ACSL5: variants seen among roughly 807,000 people sequenced by gnomAD.
ACSL5 encodes long-chain-fatty-acid--CoA ligase 5.
A neutral mutation model predicts 84.9 loss-of-function variants in ACSL5; 50 were observed. The observed-to-expected ratio is 0.59, with a 90% CI of 0.47 to 0.75. The LOEUF (loss-of-function observed/expected upper bound fraction) is 0.75. Ranked by LOEUF, ACSL5 falls within the 30% of genes least tolerant of loss-of-function variation. The pLI is 0.00. For missense variants in ACSL5, 775 were observed against 830.4 expected (o/e 0.93, Z 0.82); for synonymous variants, 280 against 300.7 (o/e 0.93, Z 0.71).
At chr10:112,403,247 A>G (rs1409206823) in intron 3 of ACSL5, among the ~76,000 whole-genome samples, 1 of 152,252 alleles carries the variant, frequency 6.6e-6, no homozygotes, top group Non-Finnish European at 1.5e-5. Flanking sequence ...AACTTAGACT[A>G]TAGTAATAAC....
intron 8 of ACSL5, 38 bp from the exon 9 acceptor site, chr10:112,410,546 G>C: frequency 6.2e-7 from 1 of 1,614,126 alleles, no homozygotes; most frequent in Non-Finnish European, 8.5e-7. Context: ...AACTCTCAAA[G>C]TTCATGGTGG....
chr10:112,411,881 T>C lies in ACSL5; in HGVS notation c.871-21T>C, dbSNP rs1387337647. ...GGCATTAATCTCATGTTGCCTCCTC[T>C]TACTTCCCTGGCCTACATAGCATGC... On this transcript the variant is annotated intron_variant, in intron 10 of 20. Transcript: ENST00000354655. 3 of 1,606,042 alleles carry C rather than the reference T, an allele frequency of 1.9e-6. No individual in the cohort carries two copies. The African/African-American group carries it at 4.0e-5, about 21-fold the overall frequency.
chr10:112,418,353 G>A (rs1020618136), intron 14 of ACSL5, among the ~76,000 whole-genome samples: 3 of 152,062 alleles, frequency 2.0e-5, no homozygotes, highest in African/African-American at 7.2e-5. Context: ...AGGCTGAGAC[G>A]GGCGGATCAC....
At chr10:112,403,049 T>C (rs548966011) in intron 3 of ACSL5, among the ~76,000 whole-genome samples, 1 of 152,360 alleles carries the variant, frequency 6.6e-6, no homozygotes, top group Admixed American at 6.5e-5. Context: ...AAGATGTAAA[T>C]TGGAAAAATA....
chr10:112,379,547 T>C (rs1477713639), intron 1 of ACSL5, among the ~76,000 whole-genome samples: 1 of 152,068 alleles, frequency 6.6e-6, no homozygotes, highest in Non-Finnish European at 1.5e-5. Flanking sequence ...TTGGCAAGGA[T>C]GTGAAAACTG....
chr10:112,393,190 C>A (rs1445065955), intron 1 of ACSL5, among the ~76,000 whole-genome samples: 1 of 152,148 alleles, frequency 6.6e-6, no homozygotes, highest in Non-Finnish European at 1.5e-5. Context: ...TCTCAGAATC[C>A]TGCCAGGTGG....
chr10:112,409,445 G>T, intron 6 of ACSL5, 62 bp from the exon 7 acceptor site: 2 of 1,517,236 alleles, frequency 1.3e-6, no homozygotes, highest in South Asian at 1.2e-5. Flanking sequence ...CTTCCTTCTT[G>T]CAAGGCAATC....
rs778356318 is a variant in ACSL5, at chr10:112,421,633, GTACATT to G, written c.1362_1367del (p.Phe454_Thr455del). ...GGTCAAACAGAATGCACAGGTGGCT[GTACATT>G]TACATTACCTGGGGACTGGACATCA... is the stretch of plus-strand genomic sequence containing the variant. On this transcript the variant is annotated inframe_deletion, in exon 15 of 21. Coordinates refer to ENST00000354655, the MANE Select transcript of ACSL5 (RefSeq NM_203379.2). The G allele has an allele frequency of 3.7e-6, 6 of 1,614,022 alleles. No individual in the cohort carries two copies. Among genetic ancestry groups the G allele is most frequent in the African/African-American group, 1.3e-5 (1 of 74,934 alleles).
intron 1 of ACSL5, among the ~76,000 whole-genome samples, chr10:112,381,882 G>A (rs183852981): frequency 3.3e-5 from 5 of 152,136 alleles, no homozygotes; most frequent in African/African-American, 4.8e-5. Flanking sequence ...CAAAAGAATC[G>A]CTTGACTCCG....
chr10:112,421,734 T>C (rs1362194015), intron 15 of ACSL5, 69 bp downstream of exon 15: 2 of 1,506,408 alleles, frequency 1.3e-6, no homozygotes, highest in Admixed American at 3.4e-5. Flanking sequence ...ACTAGGACTT[T>C]GGAGTTTAGA....
chr10:112,422,886 A>G (rs902175284), intron 17 of ACSL5, among the ~76,000 whole-genome samples: 4 of 146,932 alleles, frequency 2.7e-5, no homozygotes, highest in African/African-American at 1.0e-4. Context: ...AATTGAAAGA[A>G]TCTAGGTTAA....
intron 1 of ACSL5, among the ~76,000 whole-genome samples, chr10:112,380,091 T>G (rs1461225565): frequency 6.6e-6 from 1 of 152,116 alleles, no homozygotes; most frequent in Non-Finnish European, 1.5e-5. Flanking sequence ...GGGATGCCCT[T>G]TGGGGGTGTT....
chr10:112,426,383 T>G (rs1231456932), intron 19 of ACSL5, 24 bp downstream of exon 19: 2 of 1,596,038 alleles, frequency 1.3e-6, no homozygotes, highest in Non-Finnish European at 1.7e-6. Context: ...AGGAAAGCTT[T>G]ATGCACACCC....
chr10:112,394,635 T>C (rs776816400), intron 1 of ACSL5: 42 of 708,518 alleles, frequency 5.9e-5, no homozygotes, highest in Middle Eastern at 7.2e-4. Context: ...TTCTCAAAAT[T>C]GTTTGGGAAA....
rs1197739937 is a variant in ACSL5 at position 112,421,588 on chromosome 10, C to A, written c.1315-5C>A. 1 of 1,613,706 alleles carries A rather than the reference C, an allele frequency of 6.2e-7. No homozygotes were observed. The highest frequency in any genetic ancestry group is 1.7e-5 in the Admixed American group (1 of 60,008). On this transcript the variant is annotated splice_region_variant and splice_polypyrimidine_tract_variant and intron_variant, in intron 14 of 20. Transcript: ENST00000354655. ...AAGTCTAAAAGCTCTTCTTTGGTTTCCCAGGTGTATGAAGCTTATGGTCAA... is the reference window on the plus strand; with the variant it reads ...AAGTCTAAAAGCTCTTCTTTGGTTTACCAGGTGTATGAAGCTTATGGTCAA...
chr10:112,376,042 C>T (rs1849231917), intron 1 of ACSL5, among the ~76,000 whole-genome samples: 1 of 152,128 alleles, frequency 6.6e-6, no homozygotes. Flanking sequence ...GATGATAGGC[C>T]ACAGGAGGGC....
chr10:112,422,360 C>G lies in ACSL5; in HGVS notation c.1512C>G (p.Tyr504Ter). ...CIKGTNVFKG[Y>*]LKDPEKTQEA... ...AGGGTACAAACGTGTTCAAAGGATACCTGAAGGACCCTGAGAAGACACAGG... is the reference window on the plus strand; with the variant it reads ...AGGGTACAAACGTGTTCAAAGGATAGCTGAAGGACCCTGAGAAGACACAGG... The change falls in exon 17 of 21, where the codon TAC becomes TAG. Residue 504 changes from tyrosine (Y) to a stop codon, truncating the protein, a stop_gained. Coordinates refer to ENST00000354655, the MANE Select transcript of ACSL5 (RefSeq NM_203379.2). LOFTEE classifies it high-confidence loss of function. 1 of 1,614,106 alleles carries G rather than the reference C, an allele frequency of 6.2e-7. No individual in the cohort carries two copies.
intron 1 of ACSL5, among the ~76,000 whole-genome samples, chr10:112,391,625 G>C (rs187165493): frequency 2.0e-5 from 3 of 152,280 alleles, no homozygotes; most frequent in Admixed American, 2.0e-4. Flanking sequence ...CGTTCTGTTT[G>C]TGGGCAATAT....
At chr10:112,425,161 G>A (rs935608854) in intron 17 of ACSL5, 177 bp from the exon 18 acceptor site, 21 of 518,072 alleles carry the variant, frequency 4.1e-5, no homozygotes, top group Non-Finnish European at 6.7e-5. Context: ...ACAGGTTCTT[G>A]CTGCACGATG....
Sources: gnomAD v4.1 joint callset for allele counts (sites outside exome capture counted in the v4.1 genomes callset) on GRCh38, gnomAD v4.1.1 for gene constraint, MANE v1.5 for transcripts, NCBI Gene and HGNC (gene_info 2026-07-23, HGNC 2026-07-21) for gene names.